The following PLPPR4 variants were observed in gnomAD, a reference collection of about 807,000 sequenced individuals.
PLPPR4 encodes the protein phospholipid phosphatase related 4.
A neutral mutation model predicts 56.6 loss-of-function variants in PLPPR4; 24 were observed. The ratio of observed to expected loss-of-function variants is 0.42; its 90% CI spans 0.31 to 0.60. The LOEUF is 0.60. Ranked by LOEUF, PLPPR4 falls within the 20% of genes least tolerant of loss-of-function variation. PLPPR4 has a pLI of 0.13. For missense variants in PLPPR4, 654 were observed against 885.8 expected, an observed-to-expected ratio of 0.74 and a Z score of 3.32; for synonymous variants, 326 against 328.1, an observed-to-expected ratio of 0.99 and a Z score of 0.07.
At chr1:99,264,480 G>C, upstream of PLPPR4, 3 of 1,526,688 alleles carry the variant, frequency 2.0e-6, no homozygotes, top group Non-Finnish European at 2.6e-6. Context: ...CGGTGGCCGC[G>C]GGGAATGTGA....
At chr1:99,284,208 G>T (rs1419044279) in intron 1 of PLPPR4, among the ~76,000 whole-genome samples, 2 of 152,068 alleles carry the variant, frequency 1.3e-5, no homozygotes, top group Admixed American at 6.6e-5. Context: ...AAAATCTGTT[G>T]TTGAGCATTT....
intron 1 of PLPPR4, among the ~76,000 whole-genome samples, chr1:99,286,291 G>A (rs778932491): frequency 1.3e-5 from 2 of 152,112 alleles, no homozygotes; most frequent in African/African-American, 2.4e-5. Context: ...TCTAGTTATT[G>A]TAATTAAATT....
chr1:99,306,727 C>G lies in PLPPR4; in HGVS notation c.1865C>G (p.Ser622Ter). The G allele has an allele frequency of 6.2e-7, 1 of 1,613,998 alleles. No individual in the cohort carries two copies. Among genetic ancestry groups the G allele is most frequent in the East Asian group, 2.2e-5 (1 of 44,826 alleles). ...GAGCTCAACGATCTCAACAGGGACT[C>G]AGAAAGCTGTGAGTCTCTGAAAGAC... ...TYELNDLNRD[S>*]ESCESLKDSF... Residue 622 changes from serine to a stop codon, truncating the protein, a stop_gained, in exon 7 of 7, where the codon TCA (serine) becomes TGA (stop). Transcript: ENST00000370185. LOFTEE classifies it high-confidence loss of function. This position sits in a 1 kb window ranked among gnomAD's most constrained non-coding sequence, Gnocchi z 4.0.
chr1:99,289,342 T>A (rs1202300657), intron 2 of PLPPR4, among the ~76,000 whole-genome samples: 1 of 152,150 alleles, frequency 6.6e-6, no homozygotes, highest in Non-Finnish European at 1.5e-5. Context: ...ATGGATTTTT[T>A]AATTCCCCAA....
chr1:99,271,171 C>A (rs1337205715), intron 1 of PLPPR4, among the ~76,000 whole-genome samples: 1 of 152,146 alleles, frequency 6.6e-6, no homozygotes, highest in Non-Finnish European at 1.5e-5. Context: ...ATAGTAATAA[C>A]AAAGAATAGT....
chr1:99,305,121 C>G (rs1301238221), intron 6 of PLPPR4, among the ~76,000 whole-genome samples: 3 of 152,108 alleles, frequency 2.0e-5, no homozygotes, highest in Non-Finnish European at 4.4e-5. Flanking sequence ...GCCCTGTCTT[C>G]CAAGAACACC....
chr1:99,306,298 G>C lies in PLPPR4; in HGVS notation c.1436G>C (p.Arg479Pro). 6.2e-7 allele frequency: 1 copy of C among 1,614,182 alleles called. No homozygotes were observed. The highest frequency in any genetic ancestry group is 8.5e-7 in the Non-Finnish European group (1 of 1,180,014). Residue 479 changes from arginine (R) to proline (P), a missense_variant, in exon 7 of 7, where the codon CGT becomes CCT. This residue lies in a region of PLPPR4 where 468 missense variants were observed against 554.3 expected (regional missense o/e 0.84). Coordinates refer to ENST00000370185, the MANE Select transcript of PLPPR4 (RefSeq NM_014839.5). This position sits in a 1 kb window ranked among gnomAD's most constrained non-coding sequence, Gnocchi z 4.0. ...PGGPRVSIQSRPGSSQLVHIP... is the reference protein window; with the variant it reads ...PGGPRVSIQSPPGSSQLVHIP... ...GGGCCAAGAGTGTCCATTCAGTCCC[G>C]TCCTGGGTCCTCACAGTTGGTGCAC...
At chr1:99,274,150 A>G (rs1659127006) in intron 1 of PLPPR4, among the ~76,000 whole-genome samples, 1 of 151,978 alleles carries the variant, frequency 6.6e-6, no homozygotes, top group Admixed American at 6.6e-5. Context: ...AAAACAAACT[A>G]TTAGATATAT....
Position 99,298,719 on chromosome 1 carries a change from C to T in PLPPR4, c.395-316C>T, listed in dbSNP as rs1659807785. 5 of 552,466 alleles carry T rather than the reference C, an allele frequency of 9.1e-6. 1 individual carries two copies. The highest frequency in any genetic ancestry group is 9.4e-4 in the Middle Eastern group (2 of 2,138). 34.2% of individuals were successfully genotyped at this position (552,466 alleles called of 1,614,324 possible). ...AAATTTTTCTTCATTCCACACATGT[C>T]GTCGCTCTCAAATAATACCTTAGCA... is the stretch of plus-strand genomic sequence containing the variant. On this transcript the variant is annotated intron_variant, in intron 3 of 6. Transcript: ENST00000370185.
intron 1 of PLPPR4, among the ~76,000 whole-genome samples, chr1:99,269,131 T>C (rs1043471460): frequency 6.6e-6 from 1 of 152,164 alleles, no homozygotes. Context: ...TGTGTCCATG[T>C]GTTCTCATTG....
intron 1 of PLPPR4, among the ~76,000 whole-genome samples, chr1:99,266,365 A>T (rs534008384): frequency 4.6e-5 from 7 of 152,344 alleles, no homozygotes; most frequent in Admixed American, 1.3e-4. Flanking sequence ...GCTTCAAGGA[A>T]AATGCCCTCA....
At chr1:99,274,469 C>T (rs1253397310) in intron 1 of PLPPR4, among the ~76,000 whole-genome samples, 1 of 152,108 alleles carries the variant, frequency 6.6e-6, no homozygotes, top group African/African-American at 2.4e-5. Context: ...ACCTGATTCC[C>T]TGGAAAGGGG....
rs1660057890 is a variant in PLPPR4, at chr1:99,307,379, A to G, written c.*369A>G. On this transcript the variant is annotated 3_prime_UTR_variant, in exon 7 of 7. Coordinates refer to ENST00000370185, the MANE Select transcript of PLPPR4 (RefSeq NM_014839.5). ...TTATAGTGAGCTGTGGGAACCCAGA[A>G]CACACACGTTTTCCCTACAGCAGAG... 4.6e-6 allele frequency: 1 copy of G among 217,120 alleles called. No individual in the cohort carries two copies. Among genetic ancestry groups the G allele is most frequent in the Non-Finnish European group, 9.2e-6 (1 of 108,172 alleles). The allele number at this position is 217,120 out of a possible 1,614,324, so 13.4% of individuals were successfully genotyped here.
Position 99,307,151 on chromosome 1 carries a change from C to T in PLPPR4, c.*141C>T. ...AGAACTCTGTAACTTTTCAGAACTG[C>T]TATACTCAAACTTGCAGATCTCACA... On this transcript the variant is annotated 3_prime_UTR_variant, in exon 7 of 7. Transcript: ENST00000370185. The T allele has an allele frequency of 3.0e-6, 3 of 1,001,570 alleles. No homozygotes were observed. Among genetic ancestry groups the T allele is most frequent in the South Asian group, 1.7e-5 (1 of 60,378 alleles). 62.0% of individuals were successfully genotyped at this position (1,001,570 alleles called of 1,614,324 possible).
At chr1:99,282,382 A>G (rs1049715561) in intron 1 of PLPPR4, among the ~76,000 whole-genome samples, 1 of 152,188 alleles carries the variant, frequency 6.6e-6, no homozygotes, top group African/African-American at 2.4e-5. Flanking sequence ...GATTTCCGCC[A>G]TTGCCATGCA....
Position 99,306,554 on chromosome 1 carries a change from G to A in PLPPR4, c.1692G>A (p.Leu564=), listed in dbSNP as rs773004240. 2 of 1,614,104 alleles carry A rather than the reference G, an allele frequency of 1.2e-6. No homozygotes were observed. Among genetic ancestry groups the A allele is most frequent in the Non-Finnish European group, 1.7e-6 (2 of 1,180,030 alleles). ...SCTGSIRYKT[L]TDHEPSGIVR... ...CTGGCTCCATCCGCTATAAAACCTT[G>A]ACAGACCATGAGCCCAGTGGGATAG... The change falls in exon 7 of 7, where the codon TTG becomes TTA. Residue 564 remains leucine, a synonymous_variant. Coordinates refer to ENST00000370185, the MANE Select transcript of PLPPR4 (RefSeq NM_014839.5). The surrounding 1 kb of genome is among the most constrained non-coding windows in gnomAD (Gnocchi z 4.0).
In PLPPR4 at chr1:99,296,882, C is replaced by A; in HGVS notation, c.394+15C>A. 1.3e-6 allele frequency: 2 copies of A among 1,517,172 alleles called. No individual in the cohort carries two copies. Among genetic ancestry groups the A allele is most frequent in the Non-Finnish European group, 1.8e-6 (2 of 1,127,670 alleles). 94.0% of individuals were successfully genotyped at this position (1,517,172 alleles called of 1,614,324 possible). ...CAGATTCGTTGGTGGGTGTGGGGAA[C>A]CACAAAGAAAAGAAATGCTTTTTTT... On this transcript the variant is annotated intron_variant, in intron 3 of 6. Coordinates refer to ENST00000370185, the MANE Select transcript of PLPPR4 (RefSeq NM_014839.5).
At position 99,308,110 on chromosome 1, in the gene PLPPR4, T is replaced by A. The variant is rs575214164; in HGVS notation, c.*1100T>A. 6.6e-6 allele frequency: 1 copy of A among 152,306 alleles called. No homozygotes were observed. The highest frequency in any genetic ancestry group is 2.1e-4 in the South Asian group (1 of 4,828). The allele number at this position is 152,306 out of a possible 1,614,324, so 9.4% of individuals were successfully genotyped here. A position where few individuals can be genotyped will look rare whatever the true frequency, so the allele number is the denominator to read the frequency against. ...TGGCATAGGTTGCCATCTTAACAAGTAATCTAAAAGTCCCATTCGGTTCTA... is the reference window on the plus strand; with the variant it reads ...TGGCATAGGTTGCCATCTTAACAAGAAATCTAAAAGTCCCATTCGGTTCTA... On this transcript the variant is annotated 3_prime_UTR_variant, in exon 7 of 7. Transcript: ENST00000370185.
At chr1:99,290,400 T>C (rs1659586131) in intron 2 of PLPPR4, among the ~76,000 whole-genome samples, 3 of 152,188 alleles carry the variant, frequency 2.0e-5, no homozygotes, top group African/African-American at 7.2e-5. Context: ...GCTATTCCCA[T>C]TGAACTACCA....
Sources: gnomAD v4.1 joint callset for allele counts (sites outside exome capture counted in the v4.1 genomes callset) on GRCh38, gnomAD v4.1.1 for gene constraint, gnomAD v4.1.1 regional missense constraint, Gnocchi (gnomAD v3.1) non-coding constraint, MANE v1.5 for transcripts, NCBI Gene and HGNC (gene_info 2026-07-23, HGNC 2026-07-21) for gene names.